Variants in PLA2R1 observed in about 807,000 individuals in gnomAD.
PLA2R1 encodes secretory phospholipase A2 receptor.
In PLA2R1, 158 loss-of-function variants were observed where a neutral mutation model predicts 195.9. The observed-to-expected ratio is 0.81, with a 90% CI of 0.71 to 0.92. PLA2R1 has a LOEUF of 0.92. Ranked by LOEUF, PLA2R1 falls within the 40% of genes least tolerant of loss-of-function variation. PLA2R1 has a pLI of 0.00. For synonymous variants in PLA2R1, 586 were observed against 598.2 expected, an observed-to-expected ratio of 0.98 and a Z score of 0.30; for missense variants, 1,626 against 1,764.6, an observed-to-expected ratio of 0.92 and a Z score of 1.41.
At chr2:159,953,619 G>C (rs1320575812) in intron 23 of PLA2R1, among the ~76,000 whole-genome samples, 1 of 152,208 alleles carries the variant, frequency 6.6e-6, no homozygotes, top group Admixed American at 6.5e-5. Context: ...ACAAAGAAGG[G>C]TGGGAACCCA....
intron 6 of PLA2R1, 49 bp downstream of exon 6, chr2:160,028,169 G>A: frequency 3.2e-6 from 4 of 1,258,142 alleles, no homozygotes; most frequent in Non-Finnish European, 4.5e-6. Flanking sequence ...CATATATTGA[G>A]AGGACAAGTC....
chr2:159,965,075 A>C (rs1006515638), intron 20 of PLA2R1, among the ~76,000 whole-genome samples: 1 of 152,136 alleles, frequency 6.6e-6, no homozygotes, highest in Non-Finnish European at 1.5e-5. Context: ...CCACACATAC[A>C]CAGCCTCCCG....
chr2:159,987,115 T>A, intron 12 of PLA2R1, 41 bp downstream of exon 12: 1 of 1,431,514 alleles, frequency 7.0e-7, no homozygotes. Flanking sequence ...ATTAAAATAG[T>A]GTTGGTCCTG....
At chr2:159,925,322 A>AG in the PLA2R1 span, among the ~76,000 whole-genome samples, 2 of 152,182 alleles carry the variant, frequency 1.3e-5, no homozygotes, top group Non-Finnish European at 2.9e-5. Flanking sequence ...TGTATTGACA[A>AG]GGGGGAGAAA....
chr2:160,033,963 T>G (rs1224803146), intron 3 of PLA2R1, among the ~76,000 whole-genome samples: 1 of 152,124 alleles, frequency 6.6e-6, no homozygotes, highest in Admixed American at 6.5e-5. Context: ...CCAGCTGAAG[T>G]CTAGGATGGC....
At chr2:159,962,091 A>G (rs574314639) in intron 20 of PLA2R1, among the ~76,000 whole-genome samples, 1 of 152,318 alleles carries the variant, frequency 6.6e-6, no homozygotes, top group Non-Finnish European at 1.5e-5. Context: ...ATCAGAATAA[A>G]CAGGCAACCT....
chr2:159,988,301 TCAA>T (rs1465906654), intron 11 of PLA2R1, among the ~76,000 whole-genome samples: 9 of 151,994 alleles, frequency 5.9e-5, no homozygotes, highest in Admixed American at 2.0e-4. Context: ...TTCACATTCA[TCAA>T]CAACAATAAA....
rs1369399895 is a variant in PLA2R1 at position 159,955,833 on chromosome 2, A to G, written c.3023-5T>C. 3 of 1,586,234 alleles carry G rather than the reference A, an allele frequency of 1.9e-6. No homozygotes were observed. ...AAAGATTCATAGTAATGAAAGCTGA[A>G]AAACAGGAATACATTATCTAATTTA... On this transcript the variant is annotated splice_region_variant and splice_polypyrimidine_tract_variant and intron_variant, in intron 21 of 29. Transcript: ENST00000283243.
chr2:159,956,445 G>C (rs896109722), intron 21 of PLA2R1, 65 bp downstream of exon 21: 8 of 836,858 alleles, frequency 9.6e-6, no homozygotes, highest in Non-Finnish European at 1.7e-5. Flanking sequence ...AGGTGGGGGG[G>C]ATATTTTAAT....
intron 1 of PLA2R1, among the ~76,000 whole-genome samples, chr2:160,051,219 G>A (rs1559017376): frequency 6.6e-6 from 1 of 152,168 alleles, no homozygotes; most frequent in Non-Finnish European, 1.5e-5. Context: ...GCTCCATTAA[G>A]GGAACTGGAA....
In PLA2R1 at chr2:159,939,897, A is replaced by G. The variant is rs1687013627; in HGVS notation, c.*1881T>C. 6.6e-6 allele frequency: 1 copy of G among 152,218 alleles called. No homozygotes were observed. The highest frequency in any genetic ancestry group is 2.4e-5 in the African/African-American group (1 of 41,450). The allele number at this position is 152,218 out of a possible 1,614,324, so 9.4% of individuals were successfully genotyped here. A position where few individuals can be genotyped will look rare whatever the true frequency, so the allele number is the denominator to read the frequency against. ...GTTCAAGCCAATTATTTTTTGAGTC[A>G]TAAATATGCAACTGCCACATAATAT... is the stretch of plus-strand genomic sequence containing the variant. On this transcript the variant is annotated 3_prime_UTR_variant, in exon 30 of 30. Transcript: ENST00000283243.
At position 160,062,327 on chromosome 2, in the gene PLA2R1, G is replaced by A. The variant is rs1307492573; in HGVS notation, c.77C>T (p.Ala26Val). The change falls in exon 1 of 30, where the codon GCG becomes GTG. Residue 26 changes from alanine (A) to valine (V), a missense_variant. Transcript: ENST00000283243. The stretch of plus-strand genomic sequence containing the variant: ...CTCCAGGAGCCGCTCGGGGGTAAGC[G>A]CCGCCGCCACACCCTCGGCGCAGCC... ...PRGCAEGVAA[A>V]LTPERLLEWQ... 2 of 1,524,168 alleles carry A rather than the reference G, an allele frequency of 1.3e-6. No individual in the cohort carries two copies. Among genetic ancestry groups the A allele is most frequent in the South Asian group, 1.2e-5 (1 of 81,976 alleles). The allele number at this position is 1,524,168 out of a possible 1,614,324, so 94.4% of individuals were successfully genotyped here.
In PLA2R1 at chr2:159,935,827, T is replaced by G. The variant is rs1436484965; in HGVS notation, c.*5951A>C. 1 of 152,174 alleles carries G rather than the reference T, an allele frequency of 6.6e-6. No homozygotes were observed. The highest frequency in any genetic ancestry group is 1.5e-5 in the Non-Finnish European group (1 of 68,036). 9.4% of individuals were successfully genotyped at this position (152,174 alleles called of 1,614,324 possible). ...GAGATATTACTTTCTTTCAATCTTG[T>G]ATTTCCATTCCAACTCCCCCACAGA... On this transcript the variant is annotated 3_prime_UTR_variant, in exon 30 of 30. Coordinates refer to ENST00000283243, the MANE Select transcript of PLA2R1 (RefSeq NM_007366.5).
chr2:159,970,558 C>T (rs747393233), intron 17 of PLA2R1, among the ~76,000 whole-genome samples: 2 of 152,054 alleles, frequency 1.3e-5, no homozygotes, highest in South Asian at 4.2e-4. Flanking sequence ...AGTTATTTAC[C>T]CTCTCAGTGA....
At chr2:160,056,668 C>A (rs1695568387) in intron 1 of PLA2R1, among the ~76,000 whole-genome samples, 2 of 152,228 alleles carry the variant, frequency 1.3e-5, no homozygotes, top group South Asian at 4.1e-4. Flanking sequence ...CCTATTGGGA[C>A]TGACTTAGCT....
At position 160,013,283 on chromosome 2, in the gene PLA2R1, T is replaced by C; in HGVS notation, c.1644A>G (p.Ala548=). Residue 548 remains alanine, a synonymous_variant, in exon 10 of 30, where the codon GCA becomes GCG. Transcript: ENST00000283243. The stretch of plus-strand genomic sequence containing the variant: ...TTTACCTGTTTGTAATGGTTACAAG[T>C]GCAGGAGGACAGTAATAACCGCTGG... ...QASSGYYCPP[A]LVTITNRFEQ... The C allele has an allele frequency of 1.3e-6, 2 of 1,598,754 alleles. No individual in the cohort carries two copies. Among genetic ancestry groups the C allele is most frequent in the South Asian group, 2.2e-5 (2 of 90,634 alleles).
chr2:160,038,459 T>C (rs1694308008), intron 3 of PLA2R1, among the ~76,000 whole-genome samples: 1 of 152,122 alleles, frequency 6.6e-6, no homozygotes. Context: ...ACAACTGAGA[T>C]ACAGGTTGGA....
At chr2:160,058,833 C>A (rs1695754650) in intron 1 of PLA2R1, among the ~76,000 whole-genome samples, 2 of 152,038 alleles carry the variant, frequency 1.3e-5, no homozygotes, top group Admixed American at 1.3e-4. Flanking sequence ...TTCCACAGGC[C>A]AATGGGGTGG....
intron 23 of PLA2R1, among the ~76,000 whole-genome samples, chr2:159,953,072 G>A (rs928191141): frequency 5.3e-5 from 8 of 152,104 alleles, no homozygotes; most frequent in Admixed American, 5.2e-4. Context: ...AACATTAAAT[G>A]ACATTCTTTG....
Sources: allele counts gnomAD v4.1 joint callset (sites outside exome capture counted in the v4.1 genomes callset), GRCh38; gene constraint gnomAD v4.1.1; transcripts MANE v1.5; gene names NCBI Gene and HGNC (gene_info 2026-07-23, HGNC 2026-07-21).